RBFOX1: variants seen among roughly 807,000 people sequenced by gnomAD.
RBFOX1 encodes RNA binding protein fox-1 homolog 1.
RBFOX1 carries 8 observed loss-of-function variants against 57.7 expected under a neutral mutation model. The observed-to-expected ratio is 0.14, with a 90% CI of 0.08 to 0.25. The LOEUF is 0.25. Ranked by LOEUF, RBFOX1 falls within the 10% of genes least tolerant of loss-of-function variation. The probability of loss-of-function intolerance (pLI) is 1.00; values close to 1 mark genes in which losing one functional copy is unlikely to be tolerated. For synonymous variants in RBFOX1, 326 were observed against 222.4 expected (o/e 1.47, Z -4.15); for missense variants, 611 against 548.5 (o/e 1.11, Z -1.14).
At chr16:6,981,717 G>T (rs1164497434) in intron 3 of RBFOX1, among the ~76,000 whole-genome samples, 5 of 152,106 alleles carry the variant, frequency 3.3e-5, no homozygotes, top group Non-Finnish European at 1.5e-5. Context: ...TCAGTATCCT[G>T]AGAACAGCAC....
At chr16:7,005,718 A>G (rs1217661123) in intron 3 of RBFOX1, among the ~76,000 whole-genome samples, 1 of 152,210 alleles carries the variant, frequency 6.6e-6, no homozygotes, top group Non-Finnish European at 1.5e-5. Flanking sequence ...GGTCAGGACA[A>G]GACAAGACCG....
intron 14 of RBFOX1, among the ~76,000 whole-genome samples, chr16:7,696,073 G>C (rs914152421): frequency 3.9e-5 from 6 of 152,256 alleles, no homozygotes; most frequent in East Asian, 1.9e-4. Flanking sequence ...GTCTTGTGTC[G>C]AGAGTGCCAA....
intron 3 of RBFOX1, among the ~76,000 whole-genome samples, chr16:6,919,927 T>A (rs757148171): frequency 6.6e-6 from 1 of 152,076 alleles, no homozygotes; most frequent in Non-Finnish European, 1.5e-5. Context: ...CTTTTATCCT[T>A]TACCCCCTCC....
At chr16:7,691,490 A>AG (rs1022328369) in intron 14 of RBFOX1, among the ~76,000 whole-genome samples, 1 of 151,958 alleles carries the variant, frequency 6.6e-6, no homozygotes, top group Admixed American at 6.6e-5. Context: ...AGAGGAAGAA[A>AG]GGAGGAAGGA....
intron 3 of RBFOX1, among the ~76,000 whole-genome samples, chr16:5,764,275 T>C (rs960950304): frequency 1.3e-5 from 2 of 152,196 alleles, no homozygotes; most frequent in African/African-American, 2.4e-5. Context: ...ATACCAGGAA[T>C]ATCTATAACG....
At chr16:6,961,023 A>G (rs115426352) in intron 3 of RBFOX1, among the ~76,000 whole-genome samples, 4 of 150,720 alleles carry the variant, frequency 2.7e-5, no homozygotes, top group African/African-American at 9.8e-5. Flanking sequence ...CAGCAACTAT[A>G]GTCCAGCTAC....
intron 4 of RBFOX1, among the ~76,000 whole-genome samples, chr16:7,117,094 T>G (rs1206323404): frequency 6.6e-6 from 1 of 152,012 alleles, no homozygotes; most frequent in East Asian, 1.9e-4. Context: ...AAAATAATGA[T>G]ATATCTGCAA....
chr16:7,616,732 A>C (rs1225721267), intron 10 of RBFOX1, among the ~76,000 whole-genome samples: 1 of 152,050 alleles, frequency 6.6e-6, no homozygotes, highest in African/African-American at 2.4e-5. Context: ...GGCTTTCATC[A>C]CGTTAGCCAG....
chr16:6,767,642 G>T (rs1365728675), intron 3 of RBFOX1, among the ~76,000 whole-genome samples: 2 of 152,046 alleles, frequency 1.3e-5, no homozygotes, highest in Non-Finnish European at 2.9e-5. Flanking sequence ...GAGGCTAGGT[G>T]TGGTGGCTTA....
intron 3 of RBFOX1, among the ~76,000 whole-genome samples, chr16:7,007,864 G>C (rs556449753): frequency 6.6e-6 from 1 of 152,192 alleles, no homozygotes; most frequent in South Asian, 2.1e-4. Flanking sequence ...GCATTAGGAA[G>C]TATCAACATG....
At chr16:7,022,733 C>G (rs907194985) in intron 3 of RBFOX1, among the ~76,000 whole-genome samples, 1 of 152,142 alleles carries the variant, frequency 6.6e-6, no homozygotes. Flanking sequence ...AAAACGAAGT[C>G]TTAGTATGGG....
rs1399603110 is a variant in RBFOX1 at position 7,028,918 on chromosome 16, C to G, written c.-15-23139C>G. On this transcript the variant is annotated intron_variant, in intron 3 of 15. Transcript: ENST00000550418. Reference sequence around the variant, plus strand: ...AGCTATGTGTTGCTAGGAAAGTTTGCAAGCATCTATGAAATAATGAAAGTT... The same window carrying G: ...AGCTATGTGTTGCTAGGAAAGTTTGGAAGCATCTATGAAATAATGAAAGTT... Among the ~76,000 whole-genome samples the G allele has an allele frequency of 2.7e-5, 4 of 150,712 alleles. No homozygotes were observed. The South Asian group carries it at 8.4e-4, about 32-fold the overall frequency.
rs371801754 is a variant in RBFOX1, at chr16:7,648,468, C to T, written c.758-5347C>T. Among the ~76,000 whole-genome samples the T allele has an allele frequency of 6.6e-5, 10 of 152,170 alleles. No homozygotes were observed. In the South Asian group the frequency reaches 8.3e-4, roughly 13 times the overall value. On this transcript the variant is annotated intron_variant, in intron 11 of 15. Transcript: ENST00000550418. ...TTGATCTCTTGACCTTGTGATCTGC[C>T]CACCTTGGCCTCCCAAAGTGTTGGG...
intron 4 of RBFOX1, among the ~76,000 whole-genome samples, chr16:7,447,669 C>T (rs936254446): frequency 6.6e-6 from 1 of 152,160 alleles, no homozygotes; most frequent in South Asian, 2.1e-4. Context: ...TCAGCTCTTC[C>T]TGTCTATGAA....
At chr16:6,907,229 A>C (rs968352043) in intron 3 of RBFOX1, among the ~76,000 whole-genome samples, 1 of 152,172 alleles carries the variant, frequency 6.6e-6, no homozygotes, top group Non-Finnish European at 1.5e-5. Flanking sequence ...AATATCCTAC[A>C]GTGCGCAGGA....
At chr16:6,982,824 C>G (rs1962066) in intron 3 of RBFOX1, among the ~76,000 whole-genome samples, 89,986 of 151,560 alleles carry the variant, frequency 0.59, 27,070 homozygotes, top group Non-Finnish European at 0.64. Flanking sequence ...GGAGCCCTGT[C>G]TCTACTAAAA....
intron 4 of RBFOX1, among the ~76,000 whole-genome samples, chr16:7,356,181 T>G (rs565823334): frequency 6.6e-6 from 1 of 152,322 alleles, no homozygotes; most frequent in East Asian, 1.9e-4. Flanking sequence ...GATTCCATGC[T>G]AGGCAGAGTT....
chr16:5,447,691 C>G (rs376229892), intron 1 of RBFOX1, among the ~76,000 whole-genome samples: 1 of 152,212 alleles, frequency 6.6e-6, no homozygotes, highest in Admixed American at 6.5e-5. Flanking sequence ...CCACCGTGCC[C>G]GGCTGCCATT....
intron 5 of RBFOX1, among the ~76,000 whole-genome samples, chr16:7,556,438 G>A (rs748351568): frequency 1.3e-5 from 2 of 152,124 alleles, no homozygotes; most frequent in Non-Finnish European, 2.9e-5. Context: ...CAAGATAAAT[G>A]TATGGAACAT....
Sources: gnomAD v4.1 joint callset for allele counts (sites outside exome capture counted in the v4.1 genomes callset) on GRCh38, gnomAD v4.1.1 for gene constraint, MANE v1.5 for transcripts, NCBI Gene and HGNC (gene_info 2026-07-23, HGNC 2026-07-21) for gene names.